The following BMI1 variants were observed in gnomAD, a reference collection of about 807,000 sequenced individuals.
BMI1 encodes the protein polycomb complex protein BMI-1.
BMI1 carries 9 observed loss-of-function variants against 39.1 expected under a neutral mutation model. The observed-to-expected ratio is 0.23, with a 90% CI of 0.14 to 0.40. The LOEUF (loss-of-function observed/expected upper bound fraction) is 0.40, where lower values mean the gene tolerates loss of function less well. BMI1 is among the 10% of genes least tolerant of loss of function. The probability of loss-of-function intolerance (pLI) is 1.00; values close to 1 mark genes in which losing one functional copy is unlikely to be tolerated. For missense variants in BMI1, 252 were observed against 390.8 expected (o/e 0.64, Z 2.99); for synonymous variants, 131 against 127.9 (o/e 1.02, Z -0.16).
intron 3 of BMI1, 140 bp downstream of exon 3, chr10:22,327,126 G>T: frequency 2.1e-6 from 2 of 965,710 alleles, no homozygotes; most frequent in Non-Finnish European, 3.0e-6. Flanking sequence ...GAGGGTAGCC[G>T]TTTAATTTCT....
intron 1 of BMI1, among the ~76,000 whole-genome samples, chr10:22,323,564 C>T (rs1368663905): frequency 6.6e-6 from 1 of 152,228 alleles, no homozygotes; most frequent in Non-Finnish European, 1.5e-5. Flanking sequence ...TTATGTTGGG[C>T]TGTGAACCCC....
At chr10:22,327,698 T>G in intron 4 of BMI1, 44 bp from the exon 5 acceptor site, 1 of 1,613,010 alleles carries the variant, frequency 6.2e-7, no homozygotes, top group South Asian at 1.1e-5. Flanking sequence ...ATTCATTAGT[T>G]CTTTGTGTTA....
At chr10:22,324,584 A>G (rs1429574188) in intron 1 of BMI1, among the ~76,000 whole-genome samples, 2 of 151,896 alleles carry the variant, frequency 1.3e-5, no homozygotes, top group Non-Finnish European at 2.9e-5. Context: ...GTTTTTTACC[A>G]TTTTCTAGAG....
intron 1 of BMI1, among the ~76,000 whole-genome samples, chr10:22,322,910 CTT>C (rs1836045015): frequency 6.6e-6 from 1 of 152,202 alleles, no homozygotes; most frequent in South Asian, 2.1e-4. Flanking sequence ...AGTAGAGAGA[CTT>C]TGATCATTAC....
chr10:22,327,713 A>G, intron 4 of BMI1, 29 bp from the exon 5 acceptor site: 1 of 1,613,276 alleles, frequency 6.2e-7, no homozygotes, highest in Non-Finnish European at 8.5e-7. Context: ...GTGTTATGCC[A>G]AATGTTTACA....
intron 1 of BMI1, among the ~76,000 whole-genome samples, chr10:22,324,826 A>G (rs914294334): frequency 4.6e-5 from 7 of 152,368 alleles, no homozygotes; most frequent in Non-Finnish European, 8.8e-5. Flanking sequence ...TTTCAAGAAT[A>G]CTACACGAAG....
chr10:22,323,928 A>G lies in BMI1; in HGVS notation c.-20+2232A>G, dbSNP rs199574890. ...CTACTTTCAAAGGGCATAAAAACAT[A>G]ACTGATTTTTATATAAGTAACAGTG... On this transcript the variant is annotated intron_variant, in intron 1 of 9. Transcript: ENST00000376663. Among the ~76,000 whole-genome samples, 12 of 152,366 alleles carry G rather than the reference A, an allele frequency of 7.9e-5. No individual in the cohort carries two copies. The East Asian group carries it at 2.3e-3, about 29-fold the overall frequency.
intron 2 of BMI1, 53 bp from the exon 3 acceptor site, chr10:22,326,837 G>A: frequency 6.3e-7 from 1 of 1,596,988 alleles, no homozygotes; most frequent in Non-Finnish European, 8.6e-7. Flanking sequence ...TAACACCAAT[G>A]ATTTATCCAC....
At chr10:22,325,626 C>CCCGCCCGCCCGCCCGCCCG (rs1490289671) in intron 1 of BMI1, 1 of 144,550 alleles carries the variant, frequency 6.9e-6, no homozygotes, top group Non-Finnish European at 1.5e-5. Flanking sequence ...CCGCCCCTCC[C>CCCGCCCGCCCGCCCGCCCG]CCGCCCGCCC....
chr10:22,326,381 A>G, intron 1 of BMI1, 50 bp from the exon 2 acceptor site: 2 of 1,601,468 alleles, frequency 1.2e-6, no homozygotes, highest in Non-Finnish European at 1.7e-6. Context: ...TTACTAGATG[A>G]TCTCCATTCT....
At position 22,327,648 on chromosome 10, in the gene BMI1, A is replaced by G. The variant is rs1836189303; in HGVS notation, c.263A>G (p.Lys88Arg). Residue 88 changes from lysine (K) to arginine (R), a missense_variant and splice_region_variant, in exon 4 of 10, where the codon AAA becomes AGA. Physicochemically the swap from Lys to Arg is conservative, Grantham distance 26 (BLOSUM62 2). Coordinates refer to ENST00000376663, the MANE Select transcript of BMI1 (RefSeq NM_005180.9). The part of the protein sequence containing the change: ...IVYKLVPGLF[K>R]NEMKRRRDFY... Reference sequence around the variant, plus strand: ...TACAAATTAGTTCCAGGGCTTTTCAAAAGTGAGTAACTTGCTTAGAAAATG... The same window carrying G: ...TACAAATTAGTTCCAGGGCTTTTCAGAAGTGAGTAACTTGCTTAGAAAATG... 6.2e-7 allele frequency: 1 copy of G among 1,613,014 alleles called. No homozygotes were observed.
chr10:22,326,325 A>G (rs1235212063), intron 1 of BMI1, 106 bp from the exon 2 acceptor site: 3 of 1,463,598 alleles, frequency 2.0e-6, no homozygotes, highest in Non-Finnish European at 2.8e-6. Flanking sequence ...GCCCAGCTGT[A>G]CAGTGTTAAA....
rs1429973268 is a variant in BMI1 at position 22,328,604 on chromosome 10, A to G, written c.476A>G (p.Asn159Ser). ...CTTTTCTAAATGTACTTTTAGGTGAATGATAAAAGATACTTACGATGCCCA... is the reference window on the plus strand; with the variant it reads ...CTTTTCTAAATGTACTTTTAGGTGAGTGATAAAAGATACTTACGATGCCCA... Reference protein sequence around the residue: ...KDKEKSKEEVNDKRYLRCPAA... With the variant: ...KDKEKSKEEVSDKRYLRCPAA... The change falls in exon 8 of 10, where the codon AAT becomes AGT. Residue 159 changes from asparagine (N) to serine (S), a missense_variant. By Grantham distance (46) the Asn-to-Ser change is conservative. Around this residue, in one of 4 missense-constraint regions of BMI1, gnomAD observed 67 missense variants for 69.9 expected, o/e 0.96. Transcript: ENST00000376663. The G allele has an allele frequency of 6.3e-7, 1 of 1,591,312 alleles. No homozygotes were observed. The highest frequency in any genetic ancestry group is 2.3e-5 in the East Asian group (1 of 44,350).
In BMI1 at chr10:22,321,525, G is replaced by A. The variant is rs1446292993; in HGVS notation, c.-191G>A. The stretch of plus-strand genomic sequence containing the variant: ...AGGCCGGCCGGAGGCGGCATGAGAC[G>A]AGCGTGGCGGCCGCGGCTGCTCGGG... On this transcript the variant is annotated 5_prime_UTR_variant, in exon 1 of 10. Coordinates refer to ENST00000376663, the MANE Select transcript of BMI1 (RefSeq NM_005180.9). The A allele has an allele frequency of 3.9e-5, 6 of 154,346 alleles. No homozygotes were observed. The highest frequency in any genetic ancestry group is 1.9e-4 in the South Asian group (1 of 5,380). The allele number at this position is 154,346 out of a possible 1,614,324, so 9.6% of individuals were successfully genotyped here. A position where few individuals can be genotyped will look rare whatever the true frequency, so the allele number is the denominator to read the frequency against.
chr10:22,326,172 C>T (rs1008678696), intron 1 of BMI1: 156 of 376,016 alleles, frequency 4.1e-4, no homozygotes, highest in Middle Eastern at 7.4e-4. Flanking sequence ...ACGCTCAGCT[C>T]CCAGCCCCCA....
intron 1 of BMI1, among the ~76,000 whole-genome samples, chr10:22,323,034 C>T (rs1157977594): frequency 1.3e-5 from 2 of 152,182 alleles, no homozygotes; most frequent in Non-Finnish European, 1.5e-5. Context: ...CATATTTATC[C>T]AAATGCAAGT....
chr10:22,326,784 G>A (rs866969976), intron 2 of BMI1, 106 bp from the exon 3 acceptor site: 4 of 1,424,758 alleles, frequency 2.8e-6, no homozygotes, highest in Middle Eastern at 4.5e-4. Context: ...TATTTAGTTG[G>A]AAATGCCTTT....
chr10:22,327,094 A>G, intron 3 of BMI1, 108 bp downstream of exon 3: 2 of 1,218,340 alleles, frequency 1.6e-6, no homozygotes, highest in Non-Finnish European at 2.3e-6. Flanking sequence ...TGAATACATA[A>G]CTAATATGTG....
chr10:22,326,380 G>A, intron 1 of BMI1, 51 bp from the exon 2 acceptor site: 1 of 1,601,186 alleles, frequency 6.2e-7, no homozygotes, highest in South Asian at 1.1e-5. Context: ...ATTACTAGAT[G>A]ATCTCCATTC....
Sources: gnomAD v4.1 joint callset for allele counts (sites outside exome capture counted in the v4.1 genomes callset) on GRCh38, gnomAD v4.1.1 for gene constraint, gnomAD v4.1.1 regional missense constraint, MANE v1.5 for transcripts, NCBI Gene and HGNC (gene_info 2026-07-23, HGNC 2026-07-21) for gene names.